CNOT1: variants seen among roughly 807,000 people sequenced by gnomAD.
CNOT1 encodes CCR4-NOT transcription complex subunit 1, also known as CCR4-associated factor 1.
In CNOT1, 15 loss-of-function variants were observed where a neutral mutation model predicts 273.8. The observed-to-expected ratio is 0.05, with a 90% confidence interval of 0.04 to 0.08. The LOEUF (loss-of-function observed/expected upper bound fraction) is 0.08. Ranked by LOEUF, CNOT1 falls within the 10% of genes least tolerant of loss-of-function variation. CNOT1 has a pLI of 1.00. For synonymous variants in CNOT1, 1,022 were observed against 1,005.5 expected (o/e 1.02, Z -0.31); for missense variants, 1,644 against 2,912.2 (o/e 0.56, Z 10.02).
At chr16:58,582,211 G>C (rs1218622958) in intron 10 of CNOT1, among the ~76,000 whole-genome samples, 4 of 151,920 alleles carry the variant, frequency 2.6e-5, no homozygotes, top group South Asian at 2.1e-4. Flanking sequence ...AGAACTGCTT[G>C]AACCCAGGAG....
rs752596490 is a variant in CNOT1, at chr16:58,546,323, G to GTGGTTGTGA, written c.3995_4003dup (p.Ile1332_Thr1334dup). On this transcript the variant is annotated inframe_insertion, in exon 29 of 49. Transcript: ENST00000317147. The stretch of plus-strand genomic sequence containing the variant: ...CCTTGACTAATTAGCACACTTACTT[G>GTGGTTGTGA]TGGTTGTGATGGGAGGGAGTTCTTC... 5 of 1,612,694 alleles carry GTGGTTGTGA rather than the reference G, an allele frequency of 3.1e-6. No homozygotes were observed. Among genetic ancestry groups the GTGGTTGTGA allele is most frequent in the Non-Finnish European group, 4.2e-6 (5 of 1,178,914 alleles).
At chr16:58,540,819 CT>C (rs1299802029) in intron 34 of CNOT1, among the ~76,000 whole-genome samples, 1 of 152,186 alleles carries the variant, frequency 6.6e-6, no homozygotes, top group Non-Finnish European at 1.5e-5. Flanking sequence ...AGGTCAGCAA[CT>C]TACTATCGAC....
At chr16:58,616,509 A>G (rs1597608351) in intron 1 of CNOT1, among the ~76,000 whole-genome samples, 1 of 152,256 alleles carries the variant, frequency 6.6e-6, no homozygotes, top group East Asian at 1.9e-4. Context: ...CTCCCACCTC[A>G]GCCTCCCAAA....
chr16:58,537,269 T>A, intron 38 of CNOT1, 49 bp from the exon 39 acceptor site: 1 of 1,536,800 alleles, frequency 6.5e-7, no homozygotes, highest in South Asian at 1.3e-5. Flanking sequence ...TAGTTGTGAT[T>A]TTACAGACAT....
intron 12 of CNOT1, among the ~76,000 whole-genome samples, chr16:58,580,079 G>A (rs1443679566): frequency 6.6e-6 from 1 of 151,978 alleles, no homozygotes; most frequent in African/African-American, 2.4e-5. Flanking sequence ...GGGCGGTGGT[G>A]AGCACTTGTA....
chr16:58,522,055 C>CA (rs1491394620), intron 47 of CNOT1, among the ~76,000 whole-genome samples: 219 of 151,908 alleles, frequency 1.4e-3, no homozygotes, highest in African/African-American at 5.2e-3. Flanking sequence ...CACAGTGACT[C>CA]ACGCCTGTAA....
chr16:58,580,893 G>C (rs946468563), intron 11 of CNOT1, 133 bp from the exon 12 acceptor site: 1 of 926,220 alleles, frequency 1.1e-6, no homozygotes, highest in African/African-American at 1.7e-5. Context: ...TTAATTATTT[G>C]CCCTTTGAAA....
rs541944100 is a variant in CNOT1, at chr16:58,542,586, TG to T, written c.4435-19del. ...GAAGCAGTCTATTAATGGAGGTGGG[TG>T]GGGGGGTGGGGGGAATAGAAGGAAA... On this transcript the variant is annotated intron_variant, in intron 31 of 48. Transcript: ENST00000317147. The T allele has an allele frequency of 4.3e-4, 23 of 53,152 alleles. No homozygotes were observed. Among genetic ancestry groups the T allele is most frequent in the African/African-American group, 2.7e-3 (4 of 1,470 alleles). 3.3% of individuals were successfully genotyped at this position (53,152 alleles called of 1,614,324 possible).
chr16:58,546,014 A>C (rs2040247833), intron 29 of CNOT1, among the ~76,000 whole-genome samples: 1 of 152,172 alleles, frequency 6.6e-6, no homozygotes, highest in African/African-American at 2.4e-5. Flanking sequence ...AGGCCATCAT[A>C]GTATGCAGTT....
chr16:58,628,416 T>C (rs1280088559), intron 1 of CNOT1, among the ~76,000 whole-genome samples: 3 of 152,148 alleles, frequency 2.0e-5, no homozygotes, highest in Admixed American at 6.6e-5. Flanking sequence ...CACTTAAGTA[T>C]TAAACCCAAG....
At chr16:58,585,192 C>T (rs1172918359) in intron 8 of CNOT1, 146 bp downstream of exon 8, 2 of 1,136,712 alleles carry the variant, frequency 1.8e-6, no homozygotes, top group Non-Finnish European at 2.5e-6. Flanking sequence ...GTCACACACA[C>T]TAGTTCGTGG....
chr16:58,560,814 C>G (rs1272942994), intron 16 of CNOT1, among the ~76,000 whole-genome samples: 4 of 152,194 alleles, frequency 2.6e-5, no homozygotes, highest in Non-Finnish European at 5.9e-5. Flanking sequence ...TGCCTGAGGT[C>G]AGGAGTTCGA....
intron 2 of CNOT1, chr16:58,597,724 G>A: frequency 1.9e-6 from 1 of 516,570 alleles, no homozygotes; most frequent in Non-Finnish European, 3.9e-6. Context: ...CACTGCACAG[G>A]AGGGTGTGAT....
intron 1 of CNOT1, among the ~76,000 whole-genome samples, chr16:58,628,356 C>T (rs754962589): frequency 6.6e-6 from 1 of 152,128 alleles, no homozygotes; most frequent in Non-Finnish European, 1.5e-5. Flanking sequence ...AGCTAAAATA[C>T]TCTGCTGCCA....
intron 36 of CNOT1, 40 bp downstream of exon 36, chr16:58,538,732 G>A (rs374658463): frequency 2.5e-5 from 40 of 1,605,010 alleles, no homozygotes; most frequent in African/African-American, 1.3e-4. Flanking sequence ...AAAGGCAGTC[G>A]CAGTCCAATA....
intron 1 of CNOT1, among the ~76,000 whole-genome samples, chr16:58,604,023 A>T (rs950837606): frequency 2.0e-5 from 3 of 152,194 alleles, no homozygotes; most frequent in African/African-American, 7.2e-5. Flanking sequence ...TATAAATTGA[A>T]GCTTAGGATT....
chr16:58,535,412 A>G (rs2039895406), intron 39 of CNOT1, among the ~76,000 whole-genome samples: 1 of 152,226 alleles, frequency 6.6e-6, no homozygotes, highest in Non-Finnish European at 1.5e-5. Flanking sequence ...CGCAAGAAGG[A>G]AAGAATTTTC....
intron 2 of CNOT1, 38 bp from the exon 3 acceptor site, chr16:58,588,944 AT>A: frequency 6.5e-7 from 1 of 1,527,622 alleles, no homozygotes; most frequent in African/African-American, 1.4e-5. Flanking sequence ...ATAAGGGAAG[AT>A]AAAACAAAAA....
At chr16:58,527,425 G>C (rs1027752514) in intron 44 of CNOT1, among the ~76,000 whole-genome samples, 7 of 151,988 alleles carry the variant, frequency 4.6e-5, no homozygotes, top group African/African-American at 1.7e-4. Context: ...TACTTGGGAG[G>C]CTGAGGCAGG....
Sources: gnomAD v4.1 joint callset for allele counts (sites outside exome capture counted in the v4.1 genomes callset) on GRCh38, gnomAD v4.1.1 for gene constraint, MANE v1.5 for transcripts, NCBI Gene and HGNC (gene_info 2026-07-23, HGNC 2026-07-21) for gene names.